The following RALA variants were observed in gnomAD, a reference collection of about 807,000 sequenced individuals.
RALA encodes RAS like proto-oncogene A.
A neutral mutation model predicts 24.0 loss-of-function variants in RALA; 5 were observed. That is an observed-to-expected ratio of 0.21 (90% CI 0.11 to 0.44). The LOEUF is 0.44. Among genes scored for constraint, RALA ranks in the 20% least tolerant of loss-of-function variants. The probability of loss-of-function intolerance (pLI) is 0.99; values close to 1 mark genes in which losing one functional copy is unlikely to be tolerated. For synonymous variants in RALA, 77 were observed against 83.8 expected (o/e 0.92, Z 0.44); for missense variants, 95 against 241.2 (o/e 0.39, Z 4.01).
intron 1 of RALA, among the ~76,000 whole-genome samples, chr7:39,646,705 T>G (rs1288889061): frequency 6.6e-6 from 1 of 152,192 alleles, no homozygotes; most frequent in Non-Finnish European, 1.5e-5. Flanking sequence ...ACTCTCAAAT[T>G]TATTCTGTTC....
chr7:39,635,004 A>T (rs1039722282), intron 1 of RALA, among the ~76,000 whole-genome samples: 5 of 152,072 alleles, frequency 3.3e-5, no homozygotes, highest in Non-Finnish European at 5.9e-5. Flanking sequence ...TCTTCTTTAT[A>T]ATAACAGATT....
At chr7:39,661,177 C>T (rs778039340) in intron 1 of RALA, among the ~76,000 whole-genome samples, 5 of 152,272 alleles carry the variant, frequency 3.3e-5, no homozygotes, top group South Asian at 2.1e-4. Flanking sequence ...TATCTCCCAG[C>T]GGGTCCCTAC....
chr7:39,645,608 G>A (rs1382514859), intron 1 of RALA, among the ~76,000 whole-genome samples: 3 of 152,214 alleles, frequency 2.0e-5, no homozygotes, highest in Non-Finnish European at 4.4e-5. Flanking sequence ...GTGTGGTATA[G>A]TGACATGAGC....
intron 1 of RALA, among the ~76,000 whole-genome samples, chr7:39,658,593 A>G (rs1417524691): frequency 2.0e-5 from 3 of 152,116 alleles, no homozygotes; most frequent in Non-Finnish European, 4.4e-5. Flanking sequence ...CAAAATATAT[A>G]TATACACACA....
intron 1 of RALA, among the ~76,000 whole-genome samples, chr7:39,668,737 T>A (rs1792327208): frequency 7.3e-6 from 1 of 137,408 alleles, no homozygotes; most frequent in Admixed American, 7.8e-5. Context: ...GTAGAGATTG[T>A]GGTGAGCCGA....
chr7:39,631,837 A>G (rs116477575), intron 1 of RALA, among the ~76,000 whole-genome samples: 2,228 of 152,298 alleles, frequency 0.015, 38 homozygotes, highest in African/African-American at 0.049. Context: ...CTATGAAAGT[A>G]TACCTGTGAC....
At chr7:39,701,131 T>G (rs968400033) in intron 4 of RALA, 1 of 152,246 alleles carries the variant, frequency 6.6e-6, no homozygotes, top group Non-Finnish European at 1.5e-5. Flanking sequence ...TGGCTCAAGG[T>G]CACGGGGTTC....
intron 1 of RALA, among the ~76,000 whole-genome samples, chr7:39,644,006 T>G (rs1395493371): frequency 6.6e-6 from 1 of 152,226 alleles, no homozygotes; most frequent in Admixed American, 6.5e-5. Context: ...ATACATATAA[T>G]GACTCCAGGT....
chr7:39,654,379 C>T (rs1005664155), intron 1 of RALA, among the ~76,000 whole-genome samples: 1 of 152,122 alleles, frequency 6.6e-6, no homozygotes, highest in Non-Finnish European at 1.5e-5. Flanking sequence ...ACAGTTTATT[C>T]CAGTTTTTAC....
At chr7:39,655,694 A>C (rs1390277621) in intron 1 of RALA, among the ~76,000 whole-genome samples, 1 of 152,284 alleles carries the variant, frequency 6.6e-6, no homozygotes, top group East Asian at 1.9e-4. Context: ...ACTCACTTCA[A>C]GTATATCTTC....
intron 1 of RALA, among the ~76,000 whole-genome samples, chr7:39,674,575 T>A (rs1472938669): frequency 6.6e-6 from 1 of 152,196 alleles, no homozygotes. Flanking sequence ...GCATCACTGT[T>A]AGCCTAGCTT....
In RALA at chr7:39,660,029, T is replaced by TA. The variant is rs367825210; in HGVS notation, c.-37-26595dup. 2.3e-3 allele frequency among the ~76,000 whole-genome samples: 343 copies of TA among 152,174 alleles called. 2 individuals are homozygous for TA. The highest frequency in any genetic ancestry group is 3.4e-3 in the Non-Finnish European group (230 of 68,006). ...ATCTGTCTGCCCATGGCCCCCTCTT[T>TA]AAAAAAATTTTTTTTTTAATTAAAA... On this transcript the variant is annotated intron_variant, in intron 1 of 4. Coordinates refer to ENST00000005257, the MANE Select transcript of RALA (RefSeq NM_005402.4).
intron 1 of RALA, among the ~76,000 whole-genome samples, chr7:39,678,254 T>A (rs926669400): frequency 2.0e-5 from 3 of 151,258 alleles, no homozygotes; most frequent in African/African-American, 7.3e-5. Context: ...ACAGAATAAA[T>A]GTGTGTTGTT....
intron 1 of RALA, among the ~76,000 whole-genome samples, chr7:39,685,863 A>G (rs1792691404): frequency 6.6e-6 from 1 of 152,212 alleles, no homozygotes; most frequent in South Asian, 2.1e-4. Flanking sequence ...GGCATGATGT[A>G]GTAAACACAT....
intron 1 of RALA, among the ~76,000 whole-genome samples, chr7:39,645,703 G>A (rs879690904): frequency 1.1e-4 from 16 of 152,200 alleles, no homozygotes; most frequent in Non-Finnish European, 2.4e-4. Context: ...AATAGGCACT[G>A]GCACTTAATC....
At chr7:39,703,403 T>A (rs938270443) in intron 4 of RALA, 9 of 152,176 alleles carry the variant, frequency 5.9e-5, no homozygotes, top group African/African-American at 2.2e-4. Flanking sequence ...TGTGTGTGGG[T>A]GTGTGTTTTA....
intron 1 of RALA, among the ~76,000 whole-genome samples, chr7:39,681,233 C>T (rs1222753165): frequency 2.7e-5 from 4 of 150,472 alleles, no homozygotes; most frequent in African/African-American, 9.7e-5. Context: ...TGCATTTCTC[C>T]ATTCATCTTG....
intron 4 of RALA, among the ~76,000 whole-genome samples, chr7:39,698,052 G>T (rs1011944067): frequency 1.3e-5 from 2 of 151,906 alleles, no homozygotes; most frequent in East Asian, 1.9e-4. Flanking sequence ...CCAAGATCAA[G>T]GTCTTAGACA....
intron 1 of RALA, among the ~76,000 whole-genome samples, chr7:39,628,587 G>A (rs536066283): frequency 6.6e-6 from 1 of 152,208 alleles, no homozygotes; most frequent in East Asian, 1.9e-4. Flanking sequence ...ACGGAGTCTC[G>A]CTCTTTCACC....
Sources: gnomAD v4.1 joint callset for allele counts (sites outside exome capture counted in the v4.1 genomes callset) on GRCh38, gnomAD v4.1.1 for gene constraint, MANE v1.5 for transcripts, NCBI Gene and HGNC (gene_info 2026-07-23, HGNC 2026-07-21) for gene names.